The following RAB27A variants were observed in gnomAD, a reference collection of about 807,000 sequenced individuals.
RAB27A encodes the protein ras-related protein Rab-27A.
In RAB27A, 17 loss-of-function variants were observed where a neutral mutation model predicts 20.8. The ratio of observed to expected loss-of-function variants is 0.82; its 90% CI spans 0.56 to 1.23. The LOEUF (loss-of-function observed/expected upper bound fraction) is 1.23. Among genes scored for constraint, RAB27A ranks in the 50% most tolerant of loss-of-function variants. The pLI is 0.00. For synonymous variants in RAB27A, 85 were observed against 92.8 expected (o/e 0.92, Z 0.48); for missense variants, 277 against 266.7 (o/e 1.04, Z -0.27).
chr15:55,305,035 C>G (rs2054991355), intron 2 of RAB27A, among the ~76,000 whole-genome samples: 1 of 152,154 alleles, frequency 6.6e-6, no homozygotes, highest in African/African-American at 2.4e-5. Context: ...TTGGCTATTT[C>G]TTTTCCTCCT....
chr15:55,306,106 A>G (rs1262398930), intron 2 of RAB27A, among the ~76,000 whole-genome samples: 1 of 152,180 alleles, frequency 6.6e-6, no homozygotes, highest in Non-Finnish European at 1.5e-5. Flanking sequence ...TAGGCAGACT[A>G]TTCGTGGGGG....
chr15:55,318,098 CTTTTT>C (rs200901102), intron 1 of RAB27A, among the ~76,000 whole-genome samples: 1 of 131,420 alleles, frequency 7.6e-6, no homozygotes, highest in Non-Finnish European at 1.6e-5. Flanking sequence ...CATACTTTTT[CTTTTT>C]TTTTTTTTTT....
intron 1 of RAB27A, among the ~76,000 whole-genome samples, chr15:55,275,907 G>C (rs1168597880): frequency 1.7e-5 from 2 of 120,820 alleles, no homozygotes; most frequent in Non-Finnish European, 3.3e-5. Context: ...ACATCTGCTA[G>C]GATGGCTAAT....
chr15:55,243,992 T>C (rs1433555053), intron 2 of RAB27A, among the ~76,000 whole-genome samples: 1 of 151,878 alleles, frequency 6.6e-6, no homozygotes, highest in East Asian at 1.9e-4. Context: ...GGAATAAACA[T>C]GGAAAAGGAA....
At position 55,221,282 on chromosome 15, in the gene RAB27A, C is replaced by CTT. The variant is rs55854863; in HGVS notation, c.467+2605_467+2606dup. Among the ~76,000 whole-genome samples the CTT allele has an allele frequency of 1.0e-3, 152 of 152,000 alleles. 2 individuals are homozygous for CTT. The highest frequency in any genetic ancestry group is 3.4e-3 in the Middle Eastern group (1 of 294). On this transcript the variant is annotated intron_variant, in intron 6 of 6. Coordinates refer to ENST00000336787, the MANE Select transcript of RAB27A (RefSeq NM_183235.3). ...AGCTAACTCCTCTAACTGCCTTTTT[C>CTT]TTTTTTTTCTTTGCATTTACTGACA...
At chr15:55,222,822 A>C (rs1895635760) in intron 6 of RAB27A, among the ~76,000 whole-genome samples, 1 of 151,902 alleles carries the variant, frequency 6.6e-6, no homozygotes, top group South Asian at 2.1e-4. Flanking sequence ...TTCTCAACCC[A>C]CTTGCTTCCT....
chr15:55,305,814 C>T (rs1836102726), intron 2 of RAB27A, among the ~76,000 whole-genome samples: 1 of 152,150 alleles, frequency 6.6e-6, no homozygotes, highest in Admixed American at 6.5e-5. Flanking sequence ...CGACCTGTTC[C>T]ATGTCACCAT....
chr15:55,271,745 C>T (rs1355612044), intron 1 of RAB27A, among the ~76,000 whole-genome samples: 1 of 152,218 alleles, frequency 6.6e-6, no homozygotes, highest in Non-Finnish European at 1.5e-5. Flanking sequence ...AAATGTCGGA[C>T]ATAGAACTAA....
chr15:55,250,450 A>G (rs1379152799), intron 2 of RAB27A, among the ~76,000 whole-genome samples: 2 of 152,224 alleles, frequency 1.3e-5, no homozygotes, highest in African/African-American at 2.4e-5. Context: ...TGTACTTTGC[A>G]CTAGACTTCT....
chr15:55,301,376 C>T (rs1271210357), intron 2 of RAB27A, among the ~76,000 whole-genome samples: 1 of 152,142 alleles, frequency 6.6e-6, no homozygotes, highest in African/African-American at 2.4e-5. Flanking sequence ...AAACACTGGT[C>T]TGCCTTAACT....
At chr15:55,243,039 A>C (rs1386190730) in intron 2 of RAB27A, among the ~76,000 whole-genome samples, 2 of 152,128 alleles carry the variant, frequency 1.3e-5, no homozygotes, top group Non-Finnish European at 2.9e-5. Context: ...ATGCTTTATA[A>C]TTAAGGCTTG....
At chr15:55,234,098 C>A (rs1896155012) in intron 3 of RAB27A, among the ~76,000 whole-genome samples, 1 of 152,184 alleles carries the variant, frequency 6.6e-6, no homozygotes. Flanking sequence ...AACTGGTTTA[C>A]CTGCTTCAGG....
At chr15:55,253,199 G>A (rs1010049881) in intron 2 of RAB27A, among the ~76,000 whole-genome samples, 1 of 150,004 alleles carries the variant, frequency 6.7e-6, no homozygotes, top group Non-Finnish European at 1.5e-5. Context: ...TATAATCCCA[G>A]CACTTTGGAA....
chr15:55,248,870 T>G (rs932406217), intron 2 of RAB27A: 3 of 152,126 alleles, frequency 2.0e-5, no homozygotes, highest in African/African-American at 7.2e-5. Flanking sequence ...ACTGTCTCCA[T>G]TAATATATAT....
rs765537875 is a variant in RAB27A, at chr15:55,205,636, G to A, written c.537C>T (p.Asp179=). Residue 179 remains aspartate, a synonymous_variant, in exon 7 of 7, where the codon GAC becomes GAT. Transcript: ENST00000336787. ...NISQAIEMLL[D]LIMKRMERCV... ...ACCGTTCCATTCGCTTCATTATCAGGTCCAGAAGCATCTCAATTGCTTGGC... is the reference window on the plus strand; with the variant it reads ...ACCGTTCCATTCGCTTCATTATCAGATCCAGAAGCATCTCAATTGCTTGGC... 1 of 1,614,016 alleles carries A rather than the reference G, an allele frequency of 6.2e-7. No homozygotes were observed. The highest frequency in any genetic ancestry group is 8.5e-7 in the Non-Finnish European group (1 of 1,179,938).
At chr15:55,284,783 T>A in intron 1 of RAB27A, among the ~76,000 whole-genome samples, 1 of 152,252 alleles carries the variant, frequency 6.6e-6, no homozygotes, top group African/African-American at 2.4e-5. Flanking sequence ...GCTCTGCCAC[T>A]AACTCTATGT....
exon 1 of RAB27A, chr15:55,318,939 G>A: frequency 3.1e-6 from 1 of 324,348 alleles, no homozygotes; most frequent in Non-Finnish European, 5.7e-6. Context: ...ACCTCCGACT[G>A]TTCTGCGCCT....
chr15:55,264,896 A>G (rs916570835), intron 2 of RAB27A, among the ~76,000 whole-genome samples: 1 of 152,236 alleles, frequency 6.6e-6, no homozygotes, highest in Non-Finnish European at 1.5e-5. Context: ...TAGAAGAGCA[A>G]CAGTCTAATA....
chr15:55,289,011 A>G (rs908079373), intron 1 of RAB27A: 3 of 152,260 alleles, frequency 2.0e-5, no homozygotes, highest in Non-Finnish European at 2.9e-5. Context: ...CTGTAGGGGT[A>G]AGGACCCTGT....
Sources: gnomAD v4.1 joint callset for allele counts (sites outside exome capture counted in the v4.1 genomes callset) on GRCh38, gnomAD v4.1.1 for gene constraint, MANE v1.5 for transcripts, NCBI Gene and HGNC (gene_info 2026-07-23, HGNC 2026-07-21) for gene names.